Variants in CYRIB observed in about 807,000 individuals in gnomAD.
CYRIB encodes the protein CYFIP related Rac1 interactor B, also known as CYFIP-related Rac1 interactor B.
A neutral mutation model predicts 44.2 loss-of-function variants in CYRIB; 8 were observed. That is an observed-to-expected ratio of 0.18 (90% CI 0.11 to 0.33). CYRIB has a LOEUF of 0.33. Ranked by LOEUF, CYRIB falls within the 10% of genes least tolerant of loss-of-function variation. CYRIB has a pLI of 1.00. For missense variants in CYRIB, 185 were observed against 382.8 expected (o/e 0.48, Z 4.31); for synonymous variants, 131 against 127.2 (o/e 1.03, Z -0.20).
At chr8:129,992,849 C>T (rs2096670637) in intron 1 of CYRIB, among the ~76,000 whole-genome samples, 1 of 152,146 alleles carries the variant, frequency 6.6e-6, no homozygotes, top group South Asian at 2.1e-4. Flanking sequence ...ATGGCCTGAA[C>T]CTGTGGGCTG....
rs112645064 is a variant in CYRIB, at chr8:130,002,023, G to T, written c.-296+14347C>A. ...TTGCTAGCTGTCTTTCTTTAATCAG[G>T]CCTGTCCGTATTTCACCTCAGGGAT... On this transcript the variant is annotated intron_variant, in intron 1 of 14. Coordinates refer to the CYRIB transcript ENST00000401979. 6.6e-5 allele frequency among the ~76,000 whole-genome samples: 10 copies of T among 152,238 alleles called. 1 individual carries two copies. The highest frequency in any genetic ancestry group is 2.4e-4 in the African/African-American group (10 of 41,522).
chr8:129,854,267 G>A (rs200940349), exon 7 of CYRIB: 45 of 1,600,750 alleles, frequency 2.8e-5, no homozygotes, highest in Admixed American at 5.1e-5. Flanking sequence ...TTAACTTACC[G>A]GTACATTGTT....
At chr8:129,991,747 C>T (rs145016804) in intron 1 of CYRIB, among the ~76,000 whole-genome samples, 3,048 of 149,926 alleles carry the variant, frequency 0.02, 104 homozygotes, top group African/African-American at 0.071. Flanking sequence ...GCCAGGAGTT[C>T]GAGACCAACC....
At chr8:129,841,954 T>G in exon 12 of CYRIB, 1 of 566,860 alleles carries the variant, frequency 1.8e-6, no homozygotes. Context: ...CCCTTCAGAG[T>G]GTAACTTTAC....
intron 1 of CYRIB, among the ~76,000 whole-genome samples, chr8:130,012,768 G>GA (rs948920476): frequency 1.5e-4 from 23 of 150,242 alleles, no homozygotes; most frequent in African/African-American, 2.2e-4. Flanking sequence ...AGGAGGAGAG[G>GA]AAAAAAAAAA....
intron 2 of CYRIB, among the ~76,000 whole-genome samples, chr8:129,955,759 GAACC>G (rs932676370): frequency 2.0e-5 from 3 of 152,138 alleles, no homozygotes; most frequent in African/African-American, 7.2e-5. Context: ...GTTGATGGAT[GAACC>G]AACAAACCCA....
chr8:129,977,898 A>G (rs992603916), intron 1 of CYRIB, among the ~76,000 whole-genome samples: 4 of 151,724 alleles, frequency 2.6e-5, no homozygotes, highest in Non-Finnish European at 4.4e-5. Context: ...GCAGTAGTAG[A>G]AGTATTAATT....
At position 129,852,302 on chromosome 8, in the gene CYRIB, G is replaced by C. The variant is rs777426048; in HGVS notation, c.517-24C>G. On this transcript the variant is annotated intron_variant, in intron 7 of 11. Coordinates refer to ENST00000519824, the Ensembl canonical transcript of CYRIB. ...GCCTGTGGGGAAGGTAAAAGCACTG[G>C]ATGTTAGTTCACAAATTATTACATA... The C allele has an allele frequency of 1.2e-5, 17 of 1,393,842 alleles. No individual in the cohort carries two copies. The East Asian group carries it at 4.4e-4, about 36-fold the overall frequency. The allele number at this position is 1,393,842 out of a possible 1,614,324, so 86.3% of individuals were successfully genotyped here. A position where few individuals can be genotyped will look rare whatever the true frequency, so the allele number is the denominator to read the frequency against.
At chr8:129,942,764 TCTTGA>T (rs1008439171), upstream of CYRIB, among the ~76,000 whole-genome samples, 5 of 152,228 alleles carry the variant, frequency 3.3e-5, no homozygotes, top group African/African-American at 7.2e-5. Context: ...AGCTCTACGC[TCTTGA>T]CTTGTTTTCT....
At chr8:129,941,554 G>A (rs1208448492), upstream of CYRIB, among the ~76,000 whole-genome samples, 3 of 152,076 alleles carry the variant, frequency 2.0e-5, no homozygotes, top group Non-Finnish European at 4.4e-5. Context: ...GATTACAGGC[G>A]TGAGCCACCG....
At chr8:129,995,379 G>A (rs1318736072) in intron 1 of CYRIB, among the ~76,000 whole-genome samples, 1 of 152,156 alleles carries the variant, frequency 6.6e-6, no homozygotes, top group African/African-American at 2.4e-5. Flanking sequence ...ATCTGCTATT[G>A]CAAAACATCT....
intron 9 of CYRIB, 68 bp downstream of exon 11, chr8:129,850,743 AAACATGTTAACATGTTCATATATG>A: frequency 3.4e-6 from 3 of 877,626 alleles, no homozygotes; most frequent in Non-Finnish European, 1.9e-6. Context: ...CTTCCAGATA[AAACATGTTAACATGTTCATATATG>A]AACATGTTTT....
At chr8:129,975,334 G>A (rs766220670) in intron 1 of CYRIB, among the ~76,000 whole-genome samples, 44 of 152,290 alleles carry the variant, frequency 2.9e-4, no homozygotes, top group Middle Eastern at 3.4e-3. Flanking sequence ...TTTTAAGGAA[G>A]ACATTTCTAC....
chr8:129,979,718 C>T (rs1484767688), intron 1 of CYRIB, among the ~76,000 whole-genome samples: 1 of 152,136 alleles, frequency 6.6e-6, no homozygotes, highest in Non-Finnish European at 1.5e-5. Context: ...GAGTTTGAAA[C>T]CAGCCTGGCC....
chr8:129,851,875 T>C (rs1320761929), intron 8 of CYRIB: 2 of 285,782 alleles, frequency 7.0e-6, no homozygotes, highest in East Asian at 5.9e-5. Context: ...GTACTGTTAA[T>C]TGAGAAAGCA....
At chr8:130,002,266 G>A (rs953823004) in intron 1 of CYRIB, among the ~76,000 whole-genome samples, 1 of 152,140 alleles carries the variant, frequency 6.6e-6, no homozygotes, top group Non-Finnish European at 1.5e-5. Flanking sequence ...TTCTAGACTA[G>A]CCTGGGTAAC....
intron 1 of CYRIB, among the ~76,000 whole-genome samples, chr8:129,990,716 G>A (rs1382954857): frequency 4.0e-5 from 6 of 151,790 alleles, no homozygotes; most frequent in Admixed American, 1.3e-4. Context: ...TAGAGACAGC[G>A]TCTCACTATG....
chr8:129,915,456 C>A (rs1247781609), intron 1 of CYRIB, among the ~76,000 whole-genome samples: 2 of 151,922 alleles, frequency 1.3e-5, no homozygotes, highest in Admixed American at 1.3e-4. Context: ...ACAGTGAGAC[C>A]CTGTTTCTAA....
chr8:129,968,780 A>G (rs2095581771), intron 2 of CYRIB, among the ~76,000 whole-genome samples: 1 of 152,138 alleles, frequency 6.6e-6, no homozygotes, highest in Non-Finnish European at 1.5e-5. Context: ...TTTCCAGTCA[A>G]GTCAAGCTTC....
Sources: allele counts gnomAD v4.1 joint callset (sites outside exome capture counted in the v4.1 genomes callset), GRCh38; gene constraint gnomAD v4.1.1; transcripts MANE v1.5; gene names NCBI Gene and HGNC (gene_info 2026-07-23, HGNC 2026-07-21).